The following TCERG1L variants were observed in gnomAD, a reference collection of about 807,000 sequenced individuals.
TCERG1L encodes the protein transcription elongation regulator 1-like protein.
In TCERG1L, 37 loss-of-function variants were observed where a neutral mutation model predicts 56.3. That is an observed-to-expected ratio of 0.66 (90% confidence interval 0.51 to 0.87). The LOEUF (loss-of-function observed/expected upper bound fraction) is 0.87. Ranked by LOEUF, TCERG1L falls within the 40% of genes least tolerant of loss-of-function variation. The probability of loss-of-function intolerance (pLI) is 0.00; values close to 1 mark genes in which losing one functional copy is unlikely to be tolerated. For synonymous variants in TCERG1L, 324 were observed against 326.3 expected, an observed-to-expected ratio of 0.99 and a Z score of 0.08; for missense variants, 799 against 774.2, an observed-to-expected ratio of 1.03 and a Z score of -0.38.
At chr10:131,285,765 A>G (rs1236207940) in intron 3 of TCERG1L, among the ~76,000 whole-genome samples, 1 of 151,824 alleles carries the variant, frequency 6.6e-6, no homozygotes, top group East Asian at 1.9e-4. Context: ...ACACCACAGT[A>G]ACAGATTAAA....
chr10:131,269,750 CAG>C (rs1402034997), intron 3 of TCERG1L, among the ~76,000 whole-genome samples: 3 of 152,220 alleles, frequency 2.0e-5, no homozygotes, highest in Admixed American at 2.0e-4. Flanking sequence ...CAGAATGTAA[CAG>C]AGACATGAAG....
At chr10:131,276,588 C>A (rs1337323255) in intron 3 of TCERG1L, among the ~76,000 whole-genome samples, 1 of 152,214 alleles carries the variant, frequency 6.6e-6, no homozygotes, top group African/African-American at 2.4e-5. Context: ...TTTGGAGATG[C>A]ATTTAGACAG....
chr10:131,270,433 C>T (rs895915400), intron 3 of TCERG1L, among the ~76,000 whole-genome samples: 3 of 152,214 alleles, frequency 2.0e-5, no homozygotes, highest in African/African-American at 7.2e-5. Flanking sequence ...TAAGACAGGT[C>T]CAGCCAAAGA....
chr10:131,125,056 C>G (rs1310799742), intron 8 of TCERG1L, among the ~76,000 whole-genome samples: 3 of 152,188 alleles, frequency 2.0e-5, no homozygotes, highest in African/African-American at 7.2e-5. Flanking sequence ...TGACTTAATG[C>G]ATTTAAGGTA....
At position 131,092,958 on chromosome 10, in the gene TCERG1L, G is replaced by C. The variant is rs909074402; in HGVS notation, c.*204C>G. ...AGGGATCGACGTATCACGGTGATTA[G>C]AAATGCATCAAACTCTGAATGTACA... On this transcript the variant is annotated 3_prime_UTR_variant, in exon 12 of 12. Transcript: ENST00000368642. 1.5e-5 allele frequency: 8 copies of C among 525,558 alleles called. No homozygotes were observed. In the African/African-American group the frequency reaches 1.5e-4, roughly 10 times the overall value. The allele number at this position is 525,558 out of a possible 1,614,324, so 32.6% of individuals were successfully genotyped here. A position where few individuals can be genotyped will look rare whatever the true frequency, so the allele number is the denominator to read the frequency against.
At position 131,237,730 on chromosome 10, in the gene TCERG1L, G is replaced by A. The variant is rs549305634; in HGVS notation, c.856+22529C>T. Among the ~76,000 whole-genome samples the A allele has an allele frequency of 6.6e-5, 10 of 152,250 alleles. No individual in the cohort carries two copies. The East Asian group carries it at 1.2e-3, about 18-fold the overall frequency. ...TTGAGAAGCTAGTCCAGGCATCGGC[G>A]GGGTGGAAAATGTCAACTCCATGGT... On this transcript the variant is annotated intron_variant, in intron 4 of 11. Coordinates refer to ENST00000368642, the MANE Select transcript of TCERG1L (RefSeq NM_174937.4).
intron 4 of TCERG1L, among the ~76,000 whole-genome samples, chr10:131,204,439 A>G (rs1336126428): frequency 1.4e-5 from 2 of 139,304 alleles, no homozygotes. Context: ...CTCCATATGC[A>G]CAGCTTGAAA....
intron 4 of TCERG1L, among the ~76,000 whole-genome samples, chr10:131,256,992 G>GGAAGAAA (rs1846173015): frequency 1.9e-4 from 11 of 59,170 alleles, no homozygotes; most frequent in African/African-American, 6.1e-4. Context: ...AAGGAAGGAA[G>GGAAGAAA]GAAAGAAAGA....
At chr10:131,136,311 C>T (rs573675109) in intron 7 of TCERG1L, among the ~76,000 whole-genome samples, 80 of 152,222 alleles carry the variant, frequency 5.3e-4, no homozygotes, top group African/African-American at 1.7e-3. Context: ...AAGCTTCACT[C>T]GTGCCAAGCC....
At chr10:131,235,062 G>A (rs983992091) in intron 4 of TCERG1L, among the ~76,000 whole-genome samples, 2 of 152,162 alleles carry the variant, frequency 1.3e-5, no homozygotes, top group African/African-American at 4.8e-5. Context: ...TGGACAGTGG[G>A]AGAGTTCAAA....
At chr10:131,146,398 G>A (rs1845794594) in intron 7 of TCERG1L, 108 bp downstream of exon 7, 1 of 1,287,654 alleles carries the variant, frequency 7.8e-7, no homozygotes, top group Admixed American at 2.5e-5. Context: ...TTCCTTAATA[G>A]TCAATTTTCA....
intron 4 of TCERG1L, among the ~76,000 whole-genome samples, chr10:131,208,590 C>A (rs1468315076): frequency 6.6e-6 from 1 of 152,168 alleles, no homozygotes; most frequent in African/African-American, 2.4e-5. Flanking sequence ...CTGTCCCCTG[C>A]CCCACCGTTT....
chr10:131,247,470 G>C (rs866203083), intron 4 of TCERG1L, among the ~76,000 whole-genome samples: 1 of 152,120 alleles, frequency 6.6e-6, no homozygotes, highest in Non-Finnish European at 1.5e-5. Context: ...AGTGTCCTCA[G>C]TCAAGAACCA....
chr10:131,134,347 A>G (rs1234174011), intron 8 of TCERG1L, 32 bp downstream of exon 8: 1 of 1,556,246 alleles, frequency 6.4e-7, no homozygotes, highest in African/African-American at 1.4e-5. Context: ...ACAGTAGGGA[A>G]AGATCTGCTG....
intron 4 of TCERG1L, among the ~76,000 whole-genome samples, chr10:131,218,654 C>G (rs1008133667): frequency 6.6e-6 from 1 of 152,184 alleles, no homozygotes; most frequent in Non-Finnish European, 1.5e-5. Flanking sequence ...GCTGTCTGCC[C>G]ATAGGCGAGT....
intron 4 of TCERG1L, among the ~76,000 whole-genome samples, chr10:131,176,070 G>A (rs978309084): frequency 6.6e-6 from 1 of 152,156 alleles, no homozygotes; most frequent in Non-Finnish European, 1.5e-5. Flanking sequence ...CTGTCGCTTC[G>A]TCGAGCCCTC....
chr10:131,139,150 T>A (rs996905137), intron 7 of TCERG1L, among the ~76,000 whole-genome samples: 6 of 152,226 alleles, frequency 3.9e-5, no homozygotes. Context: ...CCAGTACAAG[T>A]GTGAACTGAT....
At chr10:131,243,090 C>A (rs931906820) in intron 4 of TCERG1L, among the ~76,000 whole-genome samples, 1 of 151,924 alleles carries the variant, frequency 6.6e-6, no homozygotes, top group Non-Finnish European at 1.5e-5. Context: ...GTTCTGAATA[C>A]CTAAAGTTAG....
At chr10:131,262,147 G>A (rs545041529) in intron 3 of TCERG1L, among the ~76,000 whole-genome samples, 198 of 152,284 alleles carry the variant, frequency 1.3e-3, no homozygotes, top group African/African-American at 4.6e-3. Flanking sequence ...CAAGCGAGGC[G>A]AGCCACAGGA....
Sources: allele counts gnomAD v4.1 joint callset (sites outside exome capture counted in the v4.1 genomes callset), GRCh38; gene constraint gnomAD v4.1.1; transcripts MANE v1.5; gene names NCBI Gene and HGNC (gene_info 2026-07-23, HGNC 2026-07-21).